GTF2IRD1: variants seen among roughly 807,000 people sequenced by gnomAD.
The protein encoded by GTF2IRD1 is general transcription factor II-I repeat domain-containing protein 1.
A neutral mutation model predicts 113.2 loss-of-function variants in GTF2IRD1; 26 were observed. The ratio of observed to expected loss-of-function variants is 0.23; its 90% CI spans 0.17 to 0.32. GTF2IRD1 has a LOEUF of 0.32. Ranked by LOEUF, GTF2IRD1 falls within the 10% of genes least tolerant of loss-of-function variation. The probability of loss-of-function intolerance (pLI) is 1.00; values close to 1 mark genes in which losing one functional copy is unlikely to be tolerated. For synonymous variants in GTF2IRD1, 484 were observed against 529.1 expected, an observed-to-expected ratio of 0.91 and a Z score of 1.17; for missense variants, 864 against 1,280.8, an observed-to-expected ratio of 0.67 and a Z score of 4.97.
rs148844884 is a variant in GTF2IRD1 at position 74,549,944 on chromosome 7, G to A, written c.1916+2658G>A. Among the ~76,000 whole-genome samples the A allele has an allele frequency of 3.5e-4, 54 of 152,192 alleles. No homozygotes were observed. In the East Asian group the frequency reaches 0.01, roughly 29 times the overall value. ...CCAGCTACTCTGGAGGCTGAGGCAG[G>A]AGAATTGGCTTGAACCCAGGAGGCA... On this transcript the variant is annotated intron_variant, in intron 17 of 26. Transcript: ENST00000424337.
At chr7:74,468,086 C>A (rs1554331376) in intron 1 of GTF2IRD1, among the ~76,000 whole-genome samples, 1 of 152,140 alleles carries the variant, frequency 6.6e-6, no homozygotes, top group South Asian at 2.1e-4. Flanking sequence ...GAGCTTTACT[C>A]CCCAGTGTAC....
intron 13 of GTF2IRD1, among the ~76,000 whole-genome samples, chr7:74,539,138 G>A (rs782546503): frequency 5.9e-5 from 9 of 152,126 alleles, no homozygotes; most frequent in Non-Finnish European, 8.8e-5. Context: ...GCCTCAGTAC[G>A]GGGTGACTGT....
In GTF2IRD1 at chr7:74,512,796, G is replaced by C; in HGVS notation, c.124-34G>C. The stretch of plus-strand genomic sequence containing the variant: ...ACTAGAGGTGTTCGGAGTATGGGGA[G>C]CCCTTCCGCTCACACAGCCTGCCCT... On this transcript the variant is annotated intron_variant, in intron 2 of 26. Coordinates refer to ENST00000424337, the MANE Select transcript of GTF2IRD1 (RefSeq NM_005685.4). This position sits in a 1 kb window ranked among gnomAD's most constrained non-coding sequence, Gnocchi z 4.4. The C allele has an allele frequency of 6.2e-7, 1 of 1,607,544 alleles. No individual in the cohort carries two copies. The highest frequency in any genetic ancestry group is 8.5e-7 in the Non-Finnish European group (1 of 1,176,382).
At chr7:74,592,413 T>A (rs1554370035) in intron 24 of GTF2IRD1, among the ~76,000 whole-genome samples, 1 of 151,170 alleles carries the variant, frequency 6.6e-6, no homozygotes, top group Non-Finnish European at 1.5e-5. Context: ...CCCCCCCTTT[T>A]TTTTTGTATT....
rs137936782 is a variant in GTF2IRD1, at chr7:74,575,243, C to T, written c.2321-14608C>T. ...TATTTAGGTGATGACCAGAAGGAGG[C>T]CTTAGTTTTAAAGGCCTGAAGGGGC... On this transcript the variant is annotated intron_variant, in intron 22 of 26. Transcript: ENST00000424337. Among the ~76,000 whole-genome samples, 662 of 152,184 alleles carry T rather than the reference C, an allele frequency of 4.3e-3. 6 individuals are homozygous for T. The highest frequency in any genetic ancestry group is 0.015 in the African/African-American group (628 of 41,498).
chr7:74,480,616 A>G (rs1244554384), intron 1 of GTF2IRD1, among the ~76,000 whole-genome samples: 2 of 152,152 alleles, frequency 1.3e-5, no homozygotes, highest in Non-Finnish European at 2.9e-5. Flanking sequence ...CCCGCCTGCC[A>G]GGAGCCAGGC....
intron 22 of GTF2IRD1, among the ~76,000 whole-genome samples, chr7:74,585,267 A>T (rs1234944282): frequency 2.0e-4 from 29 of 147,496 alleles, no homozygotes; most frequent in African/African-American, 7.3e-4. Context: ...ATGCACCACC[A>T]CGCCCAGCTA....
intron 1 of GTF2IRD1, among the ~76,000 whole-genome samples, chr7:74,482,146 G>T (rs1554334747): frequency 6.6e-6 from 1 of 152,060 alleles, no homozygotes; most frequent in Non-Finnish European, 1.5e-5. Context: ...GGATTAAAAA[G>T]GGACAGTTTT....
At position 74,558,343 on chromosome 7, in the gene GTF2IRD1, GTTTCTT is replaced by G. The variant is rs1400555411; in HGVS notation, c.2108-514_2108-509del. ...GCATATTGGTGTGGCTTTTTCTTTC[GTTTCTT>G]TTTTTTTTTTTTTTTTTTTTTTTTT... On this transcript the variant is annotated intron_variant, in intron 20 of 26. Coordinates refer to ENST00000424337, the MANE Select transcript of GTF2IRD1 (RefSeq NM_005685.4). Among the ~76,000 whole-genome samples the G allele has an allele frequency of 1.2e-3, 89 of 73,980 alleles. 1 individual carries two copies. Among genetic ancestry groups the G allele is most frequent in the African/African-American group, 4.4e-3 (87 of 19,668 alleles). The allele number at this position is 73,980 out of a possible 152,430, so 48.5% of individuals were successfully genotyped here. A position where few individuals can be genotyped will look rare whatever the true frequency, so the allele number is the denominator to read the frequency against.
chr7:74,578,040 A>G (rs1801182794), intron 22 of GTF2IRD1, among the ~76,000 whole-genome samples: 1 of 152,084 alleles, frequency 6.6e-6, no homozygotes, highest in Non-Finnish European at 1.5e-5. Flanking sequence ...CCTGCCCTCA[A>G]GTGATCCTCC....
At chr7:74,466,826 C>G (rs896240944) in intron 1 of GTF2IRD1, among the ~76,000 whole-genome samples, 6 of 152,140 alleles carry the variant, frequency 3.9e-5, no homozygotes, top group African/African-American at 1.4e-4. Context: ...TTGTCCTCCG[C>G]ATCCCTGACC....
intron 22 of GTF2IRD1, among the ~76,000 whole-genome samples, chr7:74,582,576 T>G (rs1261359034): frequency 1.3e-5 from 2 of 152,104 alleles, no homozygotes; most frequent in Admixed American, 6.6e-5. Context: ...CTTTTTGATA[T>G]GTGAGATTAG....
chr7:74,556,158 G>A (rs1388943669), intron 19 of GTF2IRD1, among the ~76,000 whole-genome samples: 15 of 151,732 alleles, frequency 9.9e-5, no homozygotes, highest in East Asian at 5.9e-4. Flanking sequence ...AGGCTAAGGC[G>A]GGAGAATCGC....
At chr7:74,575,137 G>A (rs1055425878) in intron 22 of GTF2IRD1, among the ~76,000 whole-genome samples, 1 of 152,146 alleles carries the variant, frequency 6.6e-6, no homozygotes, top group South Asian at 2.1e-4. Context: ...AGCCTACATG[G>A]TGGGGCGGGG....
intron 22 of GTF2IRD1, among the ~76,000 whole-genome samples, chr7:74,574,041 C>T (rs1800850236): frequency 6.6e-6 from 1 of 151,888 alleles, no homozygotes; most frequent in Admixed American, 6.6e-5. Flanking sequence ...TGGAGTGCAG[C>T]AGTGCAATCT....
chr7:74,511,168 G>A (rs1054627367), intron 2 of GTF2IRD1, among the ~76,000 whole-genome samples: 4 of 151,976 alleles, frequency 2.6e-5, no homozygotes, highest in East Asian at 1.9e-4. Flanking sequence ...AGGCTCCCCC[G>A]TCCCTGGGCC....
chr7:74,470,541 G>T (rs952848040), intron 1 of GTF2IRD1, among the ~76,000 whole-genome samples: 2 of 152,090 alleles, frequency 1.3e-5, no homozygotes, highest in Non-Finnish European at 2.9e-5. Flanking sequence ...TTACCTATGA[G>T]AAATGAAAGC....
At chr7:74,523,988 G>T in intron 7 of GTF2IRD1, 83 bp from the exon 8 acceptor site, 1 of 972,872 alleles carries the variant, frequency 1.0e-6, no homozygotes, top group South Asian at 1.4e-5. Flanking sequence ...CTCTGGGGGT[G>T]AAAGCCCGGT....
At chr7:74,459,158 A>T (rs1793189587) in intron 1 of GTF2IRD1, among the ~76,000 whole-genome samples, 1 of 152,108 alleles carries the variant, frequency 6.6e-6, no homozygotes, top group South Asian at 2.1e-4. Context: ...TTGCCCATTT[A>T]AGATAAGTTA....
Sources: allele counts gnomAD v4.1 joint callset (sites outside exome capture counted in the v4.1 genomes callset), GRCh38; gene constraint gnomAD v4.1.1; non-coding constraint Gnocchi (gnomAD v3.1); transcripts MANE v1.5; gene names NCBI Gene and HGNC (gene_info 2026-07-23, HGNC 2026-07-21).